The following RANBP2 variants were observed in gnomAD, a reference collection of about 807,000 sequenced individuals.
The protein encoded by RANBP2 is RAN binding protein 2.
In RANBP2, 57 loss-of-function variants were observed where a neutral mutation model predicts 303.6. That is an observed-to-expected ratio of 0.19 (90% CI 0.15 to 0.23). The LOEUF (loss-of-function observed/expected upper bound fraction) is 0.23. Ranked by LOEUF, RANBP2 falls within the 10% of genes least tolerant of loss-of-function variation. The probability of loss-of-function intolerance (pLI) is 1.00; values close to 1 mark genes in which losing one functional copy is unlikely to be tolerated. For missense variants in RANBP2, 3,138 were observed against 3,780.8 expected (o/e 0.83, Z 4.46); for synonymous variants, 1,167 against 1,301.5 (o/e 0.90, Z 2.23).
At chr2:108,913,648 G>GTGTGGGAAGGATAAAAGT in the RANBP2 span, among the ~76,000 whole-genome samples, 1 of 152,104 alleles carries the variant, frequency 6.6e-6, no homozygotes, top group East Asian at 1.9e-4. Context: ...GAAGGAGGCT[G>GTGTGGGAAGGATAAAAGT]GTGATAAAAG....
the RANBP2 span, among the ~76,000 whole-genome samples, chr2:109,421,876 T>C: frequency 6.6e-6 from 1 of 152,164 alleles, no homozygotes; most frequent in African/African-American, 2.4e-5. Context: ...TTATACTGAG[T>C]AGCAGTCACA....
At chr2:109,057,454 T>G in the RANBP2 span, among the ~76,000 whole-genome samples, 1 of 152,230 alleles carries the variant, frequency 6.6e-6, no homozygotes, top group African/African-American at 2.4e-5. Flanking sequence ...TATTGTCATC[T>G]AATAAATATG....
chr2:109,592,444 GAC>G, the RANBP2 span, among the ~76,000 whole-genome samples: 2 of 151,452 alleles, frequency 1.3e-5, no homozygotes, highest in East Asian at 3.9e-4. Context: ...CAGCCTGGGC[GAC>G]AGAGCAAAGC....
the RANBP2 span, chr2:109,437,129 G>C: frequency 6.2e-7 from 1 of 1,611,520 alleles, no homozygotes; most frequent in Non-Finnish European, 8.5e-7. Context: ...AGCCAAGCCC[G>C]GAGCACCATT....
chr2:109,122,942 T>TAA, the RANBP2 span, among the ~76,000 whole-genome samples: 1 of 152,110 alleles, frequency 6.6e-6, no homozygotes, highest in Non-Finnish European at 1.5e-5. Context: ...AACACCATAG[T>TAA]GTTTAATTCC....
chr2:109,089,001 A>G, the RANBP2 span, among the ~76,000 whole-genome samples: 1 of 152,310 alleles, frequency 6.6e-6, no homozygotes, highest in Middle Eastern at 3.4e-3. Context: ...AGGTCTGCAT[A>G]AGCAAGAGGG....
chr2:109,126,758 T>C, the RANBP2 span, among the ~76,000 whole-genome samples: 3 of 152,190 alleles, frequency 2.0e-5, no homozygotes, highest in Non-Finnish European at 4.4e-5. Flanking sequence ...TCCTATGAGA[T>C]GCCTCGTATT....
At chr2:109,368,425 G>C in the RANBP2 span, among the ~76,000 whole-genome samples, 1 of 152,092 alleles carries the variant, frequency 6.6e-6, no homozygotes, top group South Asian at 2.1e-4. Context: ...CAGTGGATTA[G>C]AGAACTAATT....
chr2:108,891,948 T>C, the RANBP2 span, among the ~76,000 whole-genome samples: 1 of 152,090 alleles, frequency 6.6e-6, no homozygotes, highest in Non-Finnish European at 1.5e-5. Flanking sequence ...GTGGATTGAA[T>C]TGCACAGTTC....
chr2:108,870,467 T>C, the RANBP2 span, among the ~76,000 whole-genome samples: 4 of 152,022 alleles, frequency 2.6e-5, no homozygotes, highest in Admixed American at 2.0e-4. Context: ...TGAAAACTTA[T>C]CAAATTTGAG....
the RANBP2 span, among the ~76,000 whole-genome samples, chr2:109,448,553 G>T: frequency 6.6e-6 from 1 of 152,160 alleles, no homozygotes; most frequent in Non-Finnish European, 1.5e-5. Context: ...TTGGGATCTA[G>T]GTTGCACGCT....
At chr2:109,492,463 C>G in the RANBP2 span, among the ~76,000 whole-genome samples, 9 of 152,260 alleles carry the variant, frequency 5.9e-5, no homozygotes, top group African/African-American at 2.2e-4. Context: ...GCTGGGTGTT[C>G]TGCACAGGGG....
At chr2:109,105,751 G>A in the RANBP2 span, among the ~76,000 whole-genome samples, 1 of 151,262 alleles carries the variant, frequency 6.6e-6, no homozygotes, top group Non-Finnish European at 1.5e-5. Context: ...GAGTCGGGGT[G>A]TCATCATGTT....
the RANBP2 span, among the ~76,000 whole-genome samples, chr2:109,507,184 C>A: frequency 6.6e-6 from 1 of 152,154 alleles, no homozygotes; most frequent in Non-Finnish European, 1.5e-5. Flanking sequence ...ACAGCCCCTG[C>A]CCACTGCCAC....
chr2:109,599,484 A>C, the RANBP2 span, among the ~76,000 whole-genome samples: 1 of 150,808 alleles, frequency 6.6e-6, no homozygotes, highest in Non-Finnish European at 1.5e-5. Context: ...AAAAGAACTC[A>C]AGTGAAATTA....
the RANBP2 span, among the ~76,000 whole-genome samples, chr2:109,491,855 G>A: frequency 2.0e-5 from 3 of 152,152 alleles, no homozygotes; most frequent in South Asian, 2.1e-4. Flanking sequence ...TTGGCCGTTC[G>A]GGTGCCTGCA....
Position 108,764,128 on chromosome 2 carries a change from A to C in RANBP2, c.3589A>C (p.Asn1197His). Residue 1197 changes from asparagine to histidine, a missense_variant, in exon 20 of 29, where the codon AAC (asparagine) becomes CAC (histidine). Asn to His is a moderately conservative substitution (Grantham distance 68). Transcript: ENST00000283195. ...GGAAGATGAAGAAGAATTCTTTTGCAACCGCGCGAAATTGTTTCGTTTCGA... is the reference window on the plus strand; with the variant it reads ...GGAAGATGAAGAAGAATTCTTTTGCCACCGCGCGAAATTGTTTCGTTTCGA... ...GEEDEEEFFC[N>H]RAKLFRFDVE... 1 of 1,614,122 alleles carries C rather than the reference A, an allele frequency of 6.2e-7. No individual in the cohort carries two copies. The highest frequency in any genetic ancestry group is 8.5e-7 in the Non-Finnish European group (1 of 1,179,992).
At chr2:109,651,618 G>A in the RANBP2 span, among the ~76,000 whole-genome samples, 7 of 152,184 alleles carry the variant, frequency 4.6e-5, no homozygotes, top group Non-Finnish European at 1.0e-4. Context: ...TCCCTAAAAG[G>A]AGCAGTCACC....
At chr2:108,841,233 T>C in the RANBP2 span, among the ~76,000 whole-genome samples, 1 of 152,192 alleles carries the variant, frequency 6.6e-6, no homozygotes, top group African/African-American at 2.4e-5. Flanking sequence ...AGAATATGTA[T>C]TCTGTTGTTT....
Sources: gnomAD v4.1 joint callset for allele counts (sites outside exome capture counted in the v4.1 genomes callset) on GRCh38, gnomAD v4.1.1 for gene constraint, MANE v1.5 for transcripts, NCBI Gene and HGNC (gene_info 2026-07-23, HGNC 2026-07-21) for gene names.